The following GSE1 variants were observed in gnomAD, a reference collection of about 807,000 sequenced individuals.
GSE1 encodes the protein genetic suppressor element 1.
Under a neutral mutation model 112.6 loss-of-function variants are expected in GSE1, and 32 were observed. That is an observed-to-expected ratio of 0.28 (90% CI 0.21 to 0.38). GSE1 has a LOEUF of 0.38. Among genes scored for constraint, GSE1 ranks in the 10% least tolerant of loss-of-function variants. The pLI is 1.00. For synonymous variants in GSE1, 1,115 were observed against 735.6 expected, an observed-to-expected ratio of 1.52 and a Z score of -8.35; for missense variants, 2,348 against 1,699.2, an observed-to-expected ratio of 1.38 and a Z score of -6.71.
rs1187530673 is a variant in GSE1, at chr16:85,408,553, C to G, written c.2464+50910C>G. Among the ~76,000 whole-genome samples the G allele has an allele frequency of 1.5e-4, 5 of 33,854 alleles. 1 individual carries two copies. The highest frequency in any genetic ancestry group is 2.3e-4 in the Admixed American group (1 of 4,260). The allele number at this position is 33,854 out of a possible 152,430, so 22.2% of individuals were successfully genotyped here. A position where few individuals can be genotyped will look rare whatever the true frequency, so the allele number is the denominator to read the frequency against. On this transcript the variant is annotated intron_variant, in intron 2 of 2. Transcript: ENST00000637419. ...TAATCCTCACTGTTACACTCAGGGC[C>G]CCCCGGATAATCCTCACTGTTACAC... is the stretch of plus-strand genomic sequence containing the variant.
At chr16:85,631,668 C>G (rs1218912601) in intron 1 of GSE1, among the ~76,000 whole-genome samples, 1 of 152,258 alleles carries the variant, frequency 6.6e-6, no homozygotes, top group East Asian at 1.9e-4. Context: ...GGGTGCCCCA[C>G]AGGCTCTGAA....
Position 85,654,989 on chromosome 16 carries a change from C to G in GSE1, c.795C>G (p.Phe265Leu). The change falls in exon 5 of 16, where the codon TTC (phenylalanine) becomes TTG (leucine). Residue 265 changes from phenylalanine (F) to leucine (L), a missense_variant and splice_region_variant. Physicochemically the swap from Phe to Leu is conservative, Grantham distance 22. Transcript: ENST00000253458. ...CACACCCCTTCCCCCACCCGGCCTT[C>G]AGGTGAGGCATCCCCCACGCGCCCT... ...LAPHPFPHPA[F>L]RMDDSYCLSA... 1 of 1,569,888 alleles carries G rather than the reference C, an allele frequency of 6.4e-7. No individual in the cohort carries two copies. Among genetic ancestry groups the G allele is most frequent in the Non-Finnish European group, 8.7e-7 (1 of 1,151,796 alleles).
exon 1 of GSE1, chr16:85,171,273 G>A (rs2074354947): frequency 1.0e-6 from 1 of 985,590 alleles, no homozygotes; most frequent in Non-Finnish European, 1.2e-6. Flanking sequence ...AGCTGCCGGC[G>A]TCGGCCCAGG....
At chr16:85,514,981 T>TTG (rs1359194734) in intron 2 of GSE1, among the ~76,000 whole-genome samples, 1 of 152,050 alleles carries the variant, frequency 6.6e-6, no homozygotes, top group South Asian at 2.1e-4. Context: ...GCATGCATGT[T>TTG]TGTGTGTGTG....
intron 1 of GSE1, among the ~76,000 whole-genome samples, chr16:85,197,381 T>A (rs751830524): frequency 2.0e-5 from 3 of 152,226 alleles, no homozygotes; most frequent in Non-Finnish European, 2.9e-5. Context: ...ACTCCAGCCC[T>A]TTCTCTTCCT....
chr16:85,239,110 T>G (rs2143912721), intron 1 of GSE1, among the ~76,000 whole-genome samples: 2 of 152,252 alleles, frequency 1.3e-5, no homozygotes, highest in African/African-American at 4.8e-5. Flanking sequence ...TTTTGTATTT[T>G]TGGTGGAGTT....
intron 1 of GSE1, among the ~76,000 whole-genome samples, chr16:85,257,563 A>G (rs892275999): frequency 1.3e-5 from 2 of 152,276 alleles, no homozygotes; most frequent in African/African-American, 4.8e-5. Flanking sequence ...AAATGAAATC[A>G]CATTTAGTCA....
At position 85,507,559 on chromosome 16, in the gene GSE1, A is replaced by T. The variant is rs1297598796; in HGVS notation, c.2465-126355A>T. 3.3e-5 allele frequency among the ~76,000 whole-genome samples: 5 copies of T among 152,376 alleles called. 1 individual carries two copies. In the East Asian group the frequency reaches 9.6e-4, roughly 29 times the overall value. On this transcript the variant is annotated intron_variant, in intron 2 of 2. Coordinates refer to the GSE1 transcript ENST00000637419. ...CCATTTCCTTGCAGTTCTGGAGGCC[A>T]GGAGCCTGAAGTCAAGGTGTGAGCA...
In GSE1 at chr16:85,260,319, C is replaced by CTTTTTTTTTTTTTT. The variant is rs111292010; in HGVS notation, c.2283+88521_2283+88534dup. Among the ~76,000 whole-genome samples, 114 of 94,872 alleles carry CTTTTTTTTTTTTTT rather than the reference C, an allele frequency of 1.2e-3. 2 individuals carry two copies. The highest frequency in any genetic ancestry group is 2.3e-3 in the African/African-American group (50 of 21,970). The allele number at this position is 94,872 out of a possible 152,430, so 62.2% of individuals were successfully genotyped here. On this transcript the variant is annotated intron_variant, in intron 1 of 2. Transcript: ENST00000637419. ...TATTTTTCCTTTTTCTTTTTCTTTT[C>CTTTTTTTTTTTTTT]TTTTTTTTTTTTTTTTTTTTTTGAG...
At chr16:85,659,826 C>G (rs117279475) in intron 8 of GSE1, among the ~76,000 whole-genome samples, 3,806 of 152,358 alleles carry the variant, frequency 0.025, 64 homozygotes, top group Middle Eastern at 0.068. Flanking sequence ...TCCCTTCTTT[C>G]CCTCCCTGCC....
At chr16:85,410,350 G>T (rs1396451470) in intron 2 of GSE1, among the ~76,000 whole-genome samples, 1 of 53,148 alleles carries the variant, frequency 1.9e-5, no homozygotes, top group Admixed American at 2.0e-4. Flanking sequence ...AATCCTCACT[G>T]TTACACTCAG....
chr16:85,474,533 C>G (rs949335990), intron 2 of GSE1, among the ~76,000 whole-genome samples: 13 of 152,252 alleles, frequency 8.5e-5, no homozygotes, highest in Middle Eastern at 6.8e-3. Flanking sequence ...ACCCGGGTGC[C>G]TGTGCTGATG....
At chr16:85,575,077 G>T (rs533542344) in intron 1 of GSE1, among the ~76,000 whole-genome samples, 2 of 144,042 alleles carry the variant, frequency 1.4e-5, no homozygotes, top group African/African-American at 5.1e-5. Flanking sequence ...TTACGCTCCA[G>T]TTAATTAAAT....
rs78900802 is a variant in GSE1, at chr16:85,447,579, C to T, written c.2464+89936C>T. Among the ~76,000 whole-genome samples the T allele has an allele frequency of 3.0e-3, 460 of 152,362 alleles. 4 individuals are homozygous for T. The highest frequency in any genetic ancestry group is 0.011 in the African/African-American group (439 of 41,584). On this transcript the variant is annotated intron_variant, in intron 2 of 2. Coordinates refer to the GSE1 transcript ENST00000637419. The stretch of plus-strand genomic sequence containing the variant: ...GCTGTCACCATCATGGGCCAGGCGC[C>T]TGCTCCGTGCCTGTTTCCTCATTTC...
In GSE1 at chr16:85,661,290, G is replaced by C. The variant is rs773735830; in HGVS notation, c.1785G>C (p.Leu595Phe). ...WNPVSLMDNT[L>F]ETRRAESHSL... ...CCGTGTCCCTGATGGACAACACCTTGGAGACGCGGCGGGCCGAAAGCCACT... is the reference window on the plus strand; with the variant it reads ...CCGTGTCCCTGATGGACAACACCTTCGAGACGCGGCGGGCCGAAAGCCACT... The change falls in exon 9 of 16, where the codon TTG becomes TTC. Residue 595 changes from leucine (L) to phenylalanine (F), a missense_variant. By Grantham distance (22) the Leu-to-Phe change is conservative (BLOSUM62 0). Coordinates refer to ENST00000253458, the MANE Select transcript of GSE1 (RefSeq NM_014615.5). 3.1e-6 allele frequency: 5 copies of C among 1,612,894 alleles called. No individual in the cohort carries two copies. In the South Asian group the frequency reaches 5.5e-5, roughly 18 times the overall value.
intron 3 of GSE1, 85 bp from the exon 4 acceptor site, chr16:85,654,193 C>G (rs988179106): frequency 5.5e-6 from 7 of 1,265,334 alleles, no homozygotes; most frequent in Non-Finnish European, 7.7e-6. Context: ...CTAGCGCCTT[C>G]CCGTGAGTCA....
chr16:85,202,999 C>A (rs368002820), intron 1 of GSE1, among the ~76,000 whole-genome samples: 1 of 151,254 alleles, frequency 6.6e-6, no homozygotes, highest in Non-Finnish European at 1.5e-5. Context: ...CCCTTCTCCC[C>A]CTCCTCCTTG....
Position 85,302,477 on chromosome 16 carries a change from T to C in GSE1, c.2284-54986T>C, listed in dbSNP as rs567306690. On this transcript the variant is annotated intron_variant, in intron 1 of 2. Transcript: ENST00000637419. ...CCCCCCGCCCCCACACACACACCGA[T>C]AGTACTGCTATCAAGGCTCTTCTTG... 2.0e-5 allele frequency among the ~76,000 whole-genome samples: 3 copies of C among 149,536 alleles called. No homozygotes were observed. The South Asian group carries it at 6.4e-4, about 32-fold the overall frequency.
upstream of GSE1, among the ~76,000 whole-genome samples, chr16:85,608,785 G>A (rs1203374914): frequency 6.6e-6 from 1 of 152,214 alleles, no homozygotes; most frequent in Admixed American, 6.5e-5. Context: ...CTTGGTGAAT[G>A]GCACAGGTGA....
Sources: allele counts gnomAD v4.1 joint callset (sites outside exome capture counted in the v4.1 genomes callset), GRCh38; gene constraint gnomAD v4.1.1; transcripts MANE v1.5; gene names NCBI Gene and HGNC (gene_info 2026-07-23, HGNC 2026-07-21).